HECA: variants seen among roughly 807,000 people sequenced by gnomAD.
The protein encoded by HECA is HECA ribonucleoprotein granule regulator, also known as headcase protein homolog.
A neutral mutation model predicts 37.6 loss-of-function variants in HECA; 13 were observed. That is an observed-to-expected ratio of 0.35 (90% CI 0.23 to 0.55). The LOEUF (loss-of-function observed/expected upper bound fraction) is 0.55, where lower values mean the gene tolerates loss of function less well. Ranked by LOEUF, HECA falls within the 20% of genes least tolerant of loss-of-function variation. The probability of loss-of-function intolerance (pLI) is 0.90; values close to 1 mark genes in which losing one functional copy is unlikely to be tolerated. For missense variants in HECA, 527 were observed against 701.9 expected, an observed-to-expected ratio of 0.75 and a Z score of 2.82; for synonymous variants, 307 against 291.5, an observed-to-expected ratio of 1.05 and a Z score of -0.54.
chr6:139,164,834 G>GT (rs1249823644), intron 1 of HECA, among the ~76,000 whole-genome samples: 1 of 150,124 alleles, frequency 6.7e-6, no homozygotes, highest in Non-Finnish European at 1.5e-5. Flanking sequence ...ACTCTTTTGG[G>GT]CCTGTGGCAA....
chr6:139,158,298 G>A (rs1774745642), intron 1 of HECA, among the ~76,000 whole-genome samples: 1 of 151,826 alleles, frequency 6.6e-6, no homozygotes, highest in South Asian at 2.1e-4. Context: ...GTCAGGAGAT[G>A]GAGACCGTCC....
chr6:139,141,504 C>A (rs541769926), intron 1 of HECA, among the ~76,000 whole-genome samples: 131 of 152,258 alleles, frequency 8.6e-4, no homozygotes, highest in South Asian at 1.7e-3. Flanking sequence ...TTAATTACTT[C>A]ATGTGTTAAT....
At chr6:139,136,267 TAAAAAAAA>T (rs71674341) in intron 1 of HECA, among the ~76,000 whole-genome samples, 2,417 of 132,036 alleles carry the variant, frequency 0.018, 61 homozygotes, top group African/African-American at 0.063. Context: ...AGCCCGGAGT[TAAAAAAAA>T]AAAAAAAAAA....
rs772686847 is a variant in HECA, at chr6:139,172,887, C to T, written c.1313-1498C>T. ...GAAATGATTCACACGGAGCTGGTAG[C>T]ATAGTGCCATACCCTCGGTTAACTC... On this transcript the variant is annotated intron_variant, in intron 2 of 3. Transcript: ENST00000367658. Among the ~76,000 whole-genome samples, 3 of 152,196 alleles carry T rather than the reference C, an allele frequency of 2.0e-5. No individual in the cohort carries two copies. In the South Asian group the frequency reaches 6.2e-4, roughly 31 times the overall value.
At chr6:139,162,117 A>G (rs539877703) in intron 1 of HECA, among the ~76,000 whole-genome samples, 1 of 152,282 alleles carries the variant, frequency 6.6e-6, no homozygotes, top group South Asian at 2.1e-4. Flanking sequence ...AAACACTAAG[A>G]TGAGTAAGAG....
intron 1 of HECA, among the ~76,000 whole-genome samples, chr6:139,139,483 G>T (rs1476692577): frequency 6.6e-6 from 1 of 152,226 alleles, no homozygotes; most frequent in Non-Finnish European, 1.5e-5. Context: ...CCTGGAAATA[G>T]CCTGAGCAGA....
intron 2 of HECA, among the ~76,000 whole-genome samples, chr6:139,168,943 C>T (rs923075321): frequency 2.6e-5 from 4 of 152,094 alleles, no homozygotes; most frequent in African/African-American, 9.7e-5. Context: ...TCTGATGTTA[C>T]TCTTATTCCT....
chr6:139,174,365 C>G lies in HECA; in HGVS notation c.1313-20C>G. On this transcript the variant is annotated intron_variant, in intron 2 of 3. Coordinates refer to ENST00000367658, the MANE Select transcript of HECA (RefSeq NM_016217.3). ...GATTTCCATGATGGCCACTCAGAGC[C>G]TTGTGTCTTCTGTGCACAGGGAGAC... 1.2e-6 allele frequency: 2 copies of G among 1,606,150 alleles called. No homozygotes were observed. The highest frequency in any genetic ancestry group is 2.2e-5 in the South Asian group (2 of 90,322).
In HECA at chr6:139,180,057, A is replaced by C. The variant is rs1449391738; in HGVS notation, c.*2952A>C. 1.3e-5 allele frequency: 2 copies of C among 152,216 alleles called. No homozygotes were observed. 9.4% of individuals were successfully genotyped at this position (152,216 alleles called of 1,614,324 possible). A position where few individuals can be genotyped will look rare whatever the true frequency, so the allele number is the denominator to read the frequency against. The stretch of plus-strand genomic sequence containing the variant: ...TCTTGTTACATTTGAAGCAGTTGAT[A>C]TAATGGGTTTATACTTTAAAAGATA... On this transcript the variant is annotated 3_prime_UTR_variant, in exon 4 of 4. Coordinates refer to ENST00000367658, the MANE Select transcript of HECA (RefSeq NM_016217.3).
chr6:139,150,272 CATGTGTATGTAT>C, intron 1 of HECA, among the ~76,000 whole-genome samples: 1 of 151,910 alleles, frequency 6.6e-6, no homozygotes, highest in South Asian at 2.1e-4. Flanking sequence ...AAATACTGGT[CATGTGTATGTAT>C]CAATATTTTA....
At position 139,177,299 on chromosome 6, in the gene HECA, A is replaced by G. The variant is rs1775065396; in HGVS notation, c.*194A>G. 1 of 464,184 alleles carries G rather than the reference A, an allele frequency of 2.2e-6. No homozygotes were observed. Among genetic ancestry groups the G allele is most frequent in the Non-Finnish European group, 3.9e-6 (1 of 256,448 alleles). 28.8% of individuals were successfully genotyped at this position (464,184 alleles called of 1,614,324 possible). On this transcript the variant is annotated 3_prime_UTR_variant, in exon 4 of 4. Coordinates refer to ENST00000367658, the MANE Select transcript of HECA (RefSeq NM_016217.3). This position sits in a 1 kb window ranked among gnomAD's most constrained non-coding sequence, Gnocchi z 4.9. ...CGAGTGTTAATCTGTGGTTTTGACC[A>G]GAGCCCAGATGGGTAATCCTGTGCA...
chr6:139,167,249 CTGG>C lies in HECA; in HGVS notation c.1241_1243del (p.Val414del). The C allele has an allele frequency of 6.2e-7, 1 of 1,613,856 alleles. No individual in the cohort carries two copies. The highest frequency in any genetic ancestry group is 8.5e-7 in the Non-Finnish European group (1 of 1,179,762). On this transcript the variant is annotated inframe_deletion, in exon 2 of 4. Coordinates refer to ENST00000367658, the MANE Select transcript of HECA (RefSeq NM_016217.3). ...GCTCCCGGTGTTCGAACAGTTCCCA[CTGG>C]TGGATGGAACTTTGTTCCTAAGCCC...
rs1417686678 is a variant in HECA, at chr6:139,180,400, C to T, written c.*3295C>T. The T allele has an allele frequency of 6.6e-6, 1 of 152,616 alleles. No individual in the cohort carries two copies. Among genetic ancestry groups the T allele is most frequent in the African/African-American group, 2.4e-5 (1 of 41,450 alleles). The allele number at this position is 152,616 out of a possible 1,614,324, so 9.5% of individuals were successfully genotyped here. ...TCTCCTGTGTCTAGGTCAGGAACTC[C>T]AGTTTGCTTTTCTGTTTTGTGTCCT... On this transcript the variant is annotated 3_prime_UTR_variant, in exon 4 of 4. Coordinates refer to ENST00000367658, the MANE Select transcript of HECA (RefSeq NM_016217.3).
chr6:139,143,407 C>T (rs1168501814), intron 1 of HECA, among the ~76,000 whole-genome samples: 4 of 152,030 alleles, frequency 2.6e-5, no homozygotes, highest in South Asian at 2.1e-4. Flanking sequence ...ACTATAGTAC[C>T]GTGCAAGTTT....
intron 1 of HECA, among the ~76,000 whole-genome samples, chr6:139,156,766 A>T (rs1403502187): frequency 6.6e-6 from 1 of 152,368 alleles, no homozygotes. Context: ...TCCTTAGACT[A>T]TGGAATAATC....
chr6:139,168,679 G>C (rs1231616591), intron 2 of HECA, among the ~76,000 whole-genome samples: 3 of 151,704 alleles, frequency 2.0e-5, no homozygotes, highest in South Asian at 2.1e-4. Flanking sequence ...TTGTTTCCTA[G>C]ATCTCAATAT....
chr6:139,161,503 C>G (rs1436262687), intron 1 of HECA, among the ~76,000 whole-genome samples: 1 of 152,116 alleles, frequency 6.6e-6, no homozygotes, highest in Non-Finnish European at 1.5e-5. Context: ...TGTCTGTGTT[C>G]CATGTGTGCA....
At chr6:139,140,955 T>C (rs927095401) in intron 1 of HECA, among the ~76,000 whole-genome samples, 3 of 152,140 alleles carry the variant, frequency 2.0e-5, no homozygotes, top group African/African-American at 7.2e-5. Flanking sequence ...AATGCCCGGC[T>C]AATTTTTTGT....
At chr6:139,161,223 G>A (rs1774797534) in intron 1 of HECA, among the ~76,000 whole-genome samples, 1 of 152,098 alleles carries the variant, frequency 6.6e-6, no homozygotes, top group Non-Finnish European at 1.5e-5. Flanking sequence ...GTCTCCCTGG[G>A]AGCCTCACCC....
Sources: gnomAD v4.1 joint callset for allele counts (sites outside exome capture counted in the v4.1 genomes callset) on GRCh38, gnomAD v4.1.1 for gene constraint, Gnocchi (gnomAD v3.1) non-coding constraint, MANE v1.5 for transcripts, NCBI Gene and HGNC (gene_info 2026-07-23, HGNC 2026-07-21) for gene names.